Variants in DCTN5 observed in about 807,000 individuals in gnomAD.
DCTN5 encodes dynactin subunit 5, also known as dynactin 4.
DCTN5 carries 14 observed loss-of-function variants against 23.5 expected under a neutral mutation model. The observed-to-expected ratio is 0.60, with a 90% CI of 0.39 to 0.93. The LOEUF is 0.93. Ranked by LOEUF, DCTN5 falls within the 40% of genes least tolerant of loss-of-function variation. The probability of loss-of-function intolerance (pLI) is 0.00; values close to 1 mark genes in which losing one functional copy is unlikely to be tolerated. For missense variants in DCTN5, 156 were observed against 225.9 expected (o/e 0.69, Z 1.98); for synonymous variants, 67 against 79.6 (o/e 0.84, Z 0.84).
intron 3 of DCTN5, among the ~76,000 whole-genome samples, chr16:23,659,410 G>A (rs1395653982): frequency 6.6e-6 from 1 of 152,156 alleles, no homozygotes; most frequent in Non-Finnish European, 1.5e-5. Flanking sequence ...GCACCCATCT[G>A]CATTTCATCC....
rs1434315651 is a variant in DCTN5 at position 23,645,116 on chromosome 16, TATATATATATATATATATATA to T, written c.117+2094_117+2114del. 6.2e-3 allele frequency among the ~76,000 whole-genome samples: 259 copies of T among 41,718 alleles called. 15 individuals carry two copies. Among genetic ancestry groups the T allele is most frequent in the African/African-American group, 9.3e-3 (95 of 10,270 alleles). 27.4% of individuals were successfully genotyped at this position (41,718 alleles called of 152,430 possible). A position where few individuals can be genotyped will look rare whatever the true frequency, so the allele number is the denominator to read the frequency against. Reference sequence around the variant, plus strand: ...ATATATATATATATATATATATATATATATATATATATATATATATATTTTTTTTTTTTTTAATACGCAGTT... The same window carrying T: ...ATATATATATATATATATATATATATTTTTTTTTTTTTTTAATACGCAGTT... On this transcript the variant is annotated intron_variant, in intron 2 of 5. Transcript: ENST00000300087.
At chr16:23,645,094 TA>T (rs1421619846) in intron 2 of DCTN5, among the ~76,000 whole-genome samples, 11 of 13,492 alleles carry the variant, frequency 8.2e-4, no homozygotes, top group South Asian at 3.4e-3. Flanking sequence ...TATATATATA[TA>T]TATATATATA....
intron 3 of DCTN5, among the ~76,000 whole-genome samples, chr16:23,660,841 G>A (rs899294931): frequency 5.9e-5 from 9 of 152,222 alleles, no homozygotes; most frequent in Non-Finnish European, 1.0e-4. Flanking sequence ...TACTAAAAAT[G>A]TGATCTGTGA....
intron 2 of DCTN5, among the ~76,000 whole-genome samples, chr16:23,654,985 T>C (rs1967674061): frequency 6.6e-6 from 1 of 152,238 alleles, no homozygotes; most frequent in Non-Finnish European, 1.5e-5. Context: ...CTACATTTTC[T>C]TCACTTGATC....
chr16:23,667,332 C>T lies in DCTN5; in HGVS notation c.*188C>T. ...CTTAAGAATTCACTAACAGACAGAC[C>T]ATCTGGAGGAGCTGTCTTCAAATGC... On this transcript the variant is annotated 3_prime_UTR_variant, in exon 6 of 6. Coordinates refer to ENST00000300087, the MANE Select transcript of DCTN5 (RefSeq NM_032486.4). 3.1e-6 allele frequency: 2 copies of T among 651,398 alleles called. No homozygotes were observed. Among genetic ancestry groups the T allele is most frequent in the Non-Finnish European group, 5.2e-6 (2 of 385,974 alleles). The allele number at this position is 651,398 out of a possible 1,614,324, so 40.4% of individuals were successfully genotyped here. A position where few individuals can be genotyped will look rare whatever the true frequency, so the allele number is the denominator to read the frequency against.
chr16:23,661,239 A>T lies in DCTN5; in HGVS notation c.306A>T (p.Ala102=), dbSNP rs11545871. 93,084 of 1,612,666 alleles carry T rather than the reference A, an allele frequency of 0.058. 3,937 individuals are homozygous for T. Among genetic ancestry groups the T allele is most frequent in the African/African-American group, 0.2 (14,944 of 74,912 alleles). The change falls in exon 4 of 6, where the codon GCA becomes GCT. Residue 102 remains alanine, a synonymous_variant. Transcript: ENST00000300087. The part of the protein sequence containing the change: ...FIEEDCVVNA[A]QIGSYVHVGK... ...AGGAAGATTGTGTGGTCAACGCAGCACAGATTGGTTCCTATGTTCATGTTG... is the reference window on the plus strand; with the variant it reads ...AGGAAGATTGTGTGGTCAACGCAGCTCAGATTGGTTCCTATGTTCATGTTG...
In DCTN5 at chr16:23,671,376, A is replaced by G. The variant is rs1242922697; in HGVS notation, c.*4232A>G. The G allele has an allele frequency of 6.6e-6, 1 of 152,222 alleles. No homozygotes were observed. Among genetic ancestry groups the G allele is most frequent in the African/African-American group, 2.4e-5 (1 of 41,456 alleles). 9.4% of individuals were successfully genotyped at this position (152,222 alleles called of 1,614,324 possible). ...AGAGTATAAGGCATAGCATTCTTAC[A>G]TATTTTTAAAATTTAAAATAAAATT... On this transcript the variant is annotated 3_prime_UTR_variant, in exon 6 of 6. Coordinates refer to ENST00000300087, the MANE Select transcript of DCTN5 (RefSeq NM_032486.4).
At chr16:23,657,501 C>T (rs986237558) in intron 2 of DCTN5, 11 of 432,198 alleles carry the variant, frequency 2.5e-5, no homozygotes, top group Admixed American at 1.2e-4. Flanking sequence ...AGTGCAATGG[C>T]GCGATCTCGG....
chr16:23,649,034 A>T (rs983616032), intron 2 of DCTN5, among the ~76,000 whole-genome samples: 2 of 151,636 alleles, frequency 1.3e-5, no homozygotes, highest in Non-Finnish European at 2.9e-5. Context: ...TTTTTTTTGT[A>T]TTTTTAGTAG....
At chr16:23,642,733 T>G in intron 1 of DCTN5, 1 of 519,560 alleles carries the variant, frequency 1.9e-6, no homozygotes, top group East Asian at 3.3e-5. Context: ...GGGATCCGTC[T>G]GCCTCAGCCT....
At chr16:23,661,112 C>T in intron 3 of DCTN5, 58 bp from the exon 4 acceptor site, 1 of 1,240,512 alleles carries the variant, frequency 8.1e-7, no homozygotes. Flanking sequence ...TTCTATAAAC[C>T]TTGACCCAAA....
chr16:23,645,352 C>T (rs1029649727), intron 2 of DCTN5, among the ~76,000 whole-genome samples: 1 of 150,544 alleles, frequency 6.6e-6, no homozygotes, highest in South Asian at 2.1e-4. Context: ...CTCGAACTCC[C>T]GACCTCAGGT....
rs905024503 is a variant in DCTN5 at position 23,641,520 on chromosome 16, G to A, written c.-23G>A. 7 of 1,613,948 alleles carry A rather than the reference G, an allele frequency of 4.3e-6. No individual in the cohort carries two copies. Among genetic ancestry groups the A allele is most frequent in the Admixed American group, 3.3e-5 (2 of 59,992 alleles). On this transcript the variant is annotated 5_prime_UTR_variant, in exon 1 of 6. Transcript: ENST00000300087. The stretch of plus-strand genomic sequence containing the variant: ...CCGACTGACTCTGACAGGATCCGGG[G>A]CTGAGGGAAGGAGGCGGCGGCCATG...
At chr16:23,665,016 G>T (rs552327183) in intron 4 of DCTN5, among the ~76,000 whole-genome samples, 4 of 152,290 alleles carry the variant, frequency 2.6e-5, no homozygotes, top group Non-Finnish European at 4.4e-5. Flanking sequence ...CCTCTGGGAG[G>T]TTCACTCCCA....
chr16:23,650,929 A>ATTCCC, intron 2 of DCTN5: 2 of 1,401,464 alleles, frequency 1.4e-6, no homozygotes, highest in Non-Finnish European at 1.9e-6. Context: ...ACTGTGTGGG[A>ATTCCC]ATACAGGCCC....
intron 3 of DCTN5, among the ~76,000 whole-genome samples, chr16:23,660,215 A>C (rs1232135364): frequency 6.6e-6 from 1 of 152,266 alleles, no homozygotes; most frequent in African/African-American, 2.4e-5. Context: ...AGATTTAAAC[A>C]AATTATAGGT....
intron 2 of DCTN5, among the ~76,000 whole-genome samples, chr16:23,649,329 A>G (rs954674606): frequency 6.6e-6 from 1 of 152,228 alleles, no homozygotes; most frequent in African/African-American, 2.4e-5. Flanking sequence ...TTTGAAGAAT[A>G]GTTTGAAGAT....
At chr16:23,646,563 C>T (rs1011487753) in intron 2 of DCTN5, among the ~76,000 whole-genome samples, 1 of 151,910 alleles carries the variant, frequency 6.6e-6, no homozygotes, top group East Asian at 1.9e-4. Flanking sequence ...GTCATTGATC[C>T]ATTTTGAGTT....
intron 2 of DCTN5, among the ~76,000 whole-genome samples, chr16:23,653,110 C>A (rs111927539): frequency 0.045 from 6,867 of 152,236 alleles, 290 homozygotes; most frequent in African/African-American, 0.099. Context: ...CCACTGCACT[C>A]CAGCCTGGGC....
Sources: gnomAD v4.1 joint callset for allele counts (sites outside exome capture counted in the v4.1 genomes callset) on GRCh38, gnomAD v4.1.1 for gene constraint, MANE v1.5 for transcripts, NCBI Gene and HGNC (gene_info 2026-07-23, HGNC 2026-07-21) for gene names.